The following NEO1 variants were observed in gnomAD, a reference collection of about 807,000 sequenced individuals.
The protein encoded by NEO1 is neogenin 1, also known as neogenin.
NEO1 carries 63 observed loss-of-function variants against 159.7 expected under a neutral mutation model. The ratio of observed to expected loss-of-function variants is 0.39; its 90% confidence interval spans 0.32 to 0.49. The LOEUF (loss-of-function observed/expected upper bound fraction) is 0.49. Among genes scored for constraint, NEO1 ranks in the 20% least tolerant of loss-of-function variants. The probability of loss-of-function intolerance (pLI) is 0.85; values close to 1 mark genes in which losing one functional copy is unlikely to be tolerated. For synonymous variants in NEO1, 633 were observed against 662.0 expected, an observed-to-expected ratio of 0.96 and a Z score of 0.67; for missense variants, 1,615 against 1,831.0, an observed-to-expected ratio of 0.88 and a Z score of 2.15.
chr15:73,202,576 C>T (rs2036962970), intron 7 of NEO1, among the ~76,000 whole-genome samples: 1 of 152,130 alleles, frequency 6.6e-6, no homozygotes, highest in Non-Finnish European at 1.5e-5. Context: ...TTTTCTACCT[C>T]CTCCTCTCTG....
At chr15:73,263,108 A>G (rs933805155) in intron 15 of NEO1, among the ~76,000 whole-genome samples, 1 of 152,138 alleles carries the variant, frequency 6.6e-6, no homozygotes, top group Admixed American at 6.5e-5. Flanking sequence ...GTTATGATGC[A>G]AGGTATATAT....
chr15:73,080,705 A>G (rs2069000470), intron 1 of NEO1, among the ~76,000 whole-genome samples: 2 of 152,120 alleles, frequency 1.3e-5, no homozygotes, highest in African/African-American at 4.8e-5. Context: ...TGAACCATTG[A>G]CTGGTGTGTA....
At chr15:73,233,823 G>A (rs942377272) in intron 7 of NEO1, among the ~76,000 whole-genome samples, 5 of 152,088 alleles carry the variant, frequency 3.3e-5, no homozygotes, top group Admixed American at 3.3e-4. Context: ...GCTAGTCATA[G>A]TAAATAACAT....
chr15:73,087,474 T>C (rs927291708), intron 1 of NEO1, among the ~76,000 whole-genome samples: 12 of 152,182 alleles, frequency 7.9e-5, no homozygotes, highest in Admixed American at 3.9e-4. Flanking sequence ...TCTTGTACTG[T>C]CTTTGTCTGG....
chr15:73,200,170 A>T (rs1347079973), intron 7 of NEO1, among the ~76,000 whole-genome samples: 1 of 152,196 alleles, frequency 6.6e-6, no homozygotes, highest in East Asian at 1.9e-4. Flanking sequence ...GGCCTAGTGC[A>T]TTCTTTTTTT....
intron 7 of NEO1, among the ~76,000 whole-genome samples, chr15:73,222,477 G>T (rs1205553135): frequency 6.6e-6 from 1 of 152,016 alleles, no homozygotes; most frequent in Non-Finnish European, 1.5e-5. Flanking sequence ...CCTGATTAAA[G>T]CTAGGAGGGT....
chr15:73,225,966 C>CT (rs1373869799), intron 7 of NEO1, among the ~76,000 whole-genome samples: 2 of 152,202 alleles, frequency 1.3e-5, no homozygotes, highest in African/African-American at 4.8e-5. Flanking sequence ...CGGGGCCTTT[C>CT]TCGCTGCTTC....
chr15:73,283,670 G>A (rs1418729402), intron 23 of NEO1, among the ~76,000 whole-genome samples: 1 of 152,142 alleles, frequency 6.6e-6, no homozygotes, highest in Non-Finnish European at 1.5e-5. Context: ...GGGGTCAGAG[G>A]GCCAACTAGA....
intron 1 of NEO1, among the ~76,000 whole-genome samples, chr15:73,113,851 G>T (rs2071141248): frequency 6.6e-6 from 1 of 151,876 alleles, no homozygotes; most frequent in Non-Finnish European, 1.5e-5. Flanking sequence ...TTTCAAAAAG[G>T]TGTTAATTTG....
chr15:73,172,855 C>T (rs2035052601), intron 5 of NEO1, among the ~76,000 whole-genome samples: 1 of 152,110 alleles, frequency 6.6e-6, no homozygotes, highest in Non-Finnish European at 1.5e-5. Flanking sequence ...TTGTAAGGGT[C>T]AAAGCAGAGG....
At position 73,304,628 on chromosome 15, in the gene NEO1, C is replaced by T. The variant is rs1370859547; in HGVS notation, c.*1932C>T. The T allele has an allele frequency of 6.6e-6, 1 of 152,230 alleles. No individual in the cohort carries two copies. Among genetic ancestry groups the T allele is most frequent in the African/African-American group, 2.4e-5 (1 of 41,456 alleles). 9.4% of individuals were successfully genotyped at this position (152,230 alleles called of 1,614,324 possible). ...CAGGCGGGATTCTGGAAAACCAGTG[C>T]ACTTAAACTGATCCTGAAGAGAGCT... On this transcript the variant is annotated 3_prime_UTR_variant, in exon 29 of 29. Transcript: ENST00000261908.
chr15:73,277,982 A>G (rs1435722217), intron 21 of NEO1, 149 bp from the exon 22 acceptor site: 3 of 617,730 alleles, frequency 4.9e-6, no homozygotes, highest in Non-Finnish European at 8.4e-6. Context: ...CATAGACTAT[A>G]GATTCCCATG....
chr15:73,127,804 C>G (rs1347314254), intron 4 of NEO1, among the ~76,000 whole-genome samples: 1 of 152,186 alleles, frequency 6.6e-6, no homozygotes, highest in Non-Finnish European at 1.5e-5. Context: ...AACATTTTAA[C>G]ACAGCTTTAG....
chr15:73,099,217 C>A (rs909328972), intron 1 of NEO1, among the ~76,000 whole-genome samples: 1 of 152,058 alleles, frequency 6.6e-6, no homozygotes, highest in Non-Finnish European at 1.5e-5. Flanking sequence ...TTAGAGGTTT[C>A]CCCTCTTTTC....
intron 7 of NEO1, among the ~76,000 whole-genome samples, chr15:73,194,633 A>G (rs917248423): frequency 1.3e-5 from 2 of 152,162 alleles, no homozygotes; most frequent in Non-Finnish European, 1.5e-5. Context: ...CCATGACACA[A>G]ACACTCTCCA....
chr15:73,223,352 A>G (rs896463798), intron 7 of NEO1, among the ~76,000 whole-genome samples: 1 of 152,128 alleles, frequency 6.6e-6, no homozygotes, highest in Non-Finnish European at 1.5e-5. Flanking sequence ...TTCTGTCTTG[A>G]TGACCCATCT....
intron 23 of NEO1, among the ~76,000 whole-genome samples, chr15:73,283,653 A>C (rs189137862): frequency 6.6e-6 from 1 of 152,314 alleles, no homozygotes; most frequent in African/African-American, 2.4e-5. Flanking sequence ...AATTTAGCTC[A>C]ACCTCTGGGG....
At chr15:73,258,964 G>T (rs1596504123) in intron 14 of NEO1, 88 bp downstream of exon 14, 1 of 1,099,724 alleles carries the variant, frequency 9.1e-7, no homozygotes, top group Non-Finnish European at 1.4e-6. Context: ...ACTTGGGGTG[G>T]ATATGGCTCA....
chr15:73,286,053 T>A (rs2041932006), intron 23 of NEO1, among the ~76,000 whole-genome samples: 1 of 150,420 alleles, frequency 6.6e-6, no homozygotes, highest in South Asian at 2.1e-4. Flanking sequence ...TAAGGAATAA[T>A]TATAATTATA....
Sources: gnomAD v4.1 joint callset for allele counts (sites outside exome capture counted in the v4.1 genomes callset) on GRCh38, gnomAD v4.1.1 for gene constraint, MANE v1.5 for transcripts, NCBI Gene and HGNC (gene_info 2026-07-23, HGNC 2026-07-21) for gene names.